The following CC2D2B variants were observed in gnomAD, a reference collection of about 807,000 sequenced individuals.
CC2D2B encodes the protein coiled-coil and C2 domain containing 2B, also known as protein CC2D2B.
Under a neutral mutation model 161.2 loss-of-function variants are expected in CC2D2B, and 128 were observed. The ratio of observed to expected loss-of-function variants is 0.79; its 90% CI spans 0.69 to 0.92. The LOEUF is 0.92. CC2D2B is among the 40% of genes least tolerant of loss of function. CC2D2B has a pLI of 0.00. For missense variants in CC2D2B, 1,173 were observed against 1,375.1 expected, an observed-to-expected ratio of 0.85 and a Z score of 2.32; for synonymous variants, 391 against 449.8, an observed-to-expected ratio of 0.87 and a Z score of 1.65.
At chr10:95,958,056 CAAA>C (rs566532492) in intron 11 of CC2D2B, among the ~76,000 whole-genome samples, 1 of 137,496 alleles carries the variant, frequency 7.3e-6, no homozygotes. Context: ...GAAACTATGC[CAAA>C]AAAAAAAACC....
intron 15 of CC2D2B, among the ~76,000 whole-genome samples, chr10:95,970,469 C>T (rs932865797): frequency 2.6e-5 from 4 of 152,210 alleles, no homozygotes; most frequent in African/African-American, 9.6e-5. Flanking sequence ...TTTAAAAACG[C>T]CCATTTTCAT....
intron 16 of CC2D2B, among the ~76,000 whole-genome samples, chr10:95,973,077 G>A (rs1210661167): frequency 6.6e-6 from 1 of 151,932 alleles, no homozygotes; most frequent in African/African-American, 2.4e-5. Flanking sequence ...CACCTTCCTA[G>A]GGGTTTGGAA....
intron 9 of CC2D2B, among the ~76,000 whole-genome samples, chr10:95,943,111 A>T (rs2076078124): frequency 6.6e-6 from 1 of 152,062 alleles, no homozygotes; most frequent in Non-Finnish European, 1.5e-5. Flanking sequence ...CATTCTGAAA[A>T]TTCCTGGGAA....
At chr10:95,999,763 TTTA>T in intron 24 of CC2D2B, 1 of 250,712 alleles carries the variant, frequency 4.0e-6, no homozygotes, top group Non-Finnish European at 7.8e-6. Context: ...TTTTTTTTTT[TTTA>T]ACACCAATTA....
Position 95,952,488 on chromosome 10 carries a change from A to G in CC2D2B, c.1011+2383A>G, listed in dbSNP as rs189886043. On this transcript the variant is annotated intron_variant, in intron 10 of 34. Transcript: ENST00000646931. ...AGTTCTCCTCTCCCTGTATTTCTAT[A>G]TGTATGTATGCCATGATTGTTTTTA... 3.3e-5 allele frequency: 5 copies of G among 152,248 alleles called. No individual in the cohort carries two copies. In the East Asian group the frequency reaches 9.6e-4, roughly 29 times the overall value. The allele number at this position is 152,248 out of a possible 1,614,324, so 9.4% of individuals were successfully genotyped here.
chr10:96,028,827 C>T (rs2079898124), intron 34 of CC2D2B, among the ~76,000 whole-genome samples: 1 of 152,092 alleles, frequency 6.6e-6, no homozygotes, highest in Admixed American at 6.6e-5. Flanking sequence ...TTTGCATCAA[C>T]ATGGATGGAA....
intron 2 of CC2D2B, among the ~76,000 whole-genome samples, chr10:95,912,275 T>C (rs1030696439): frequency 5.9e-5 from 9 of 152,174 alleles, no homozygotes; most frequent in Non-Finnish European, 1.0e-4. Context: ...GGGTTTAACA[T>C]TGCTAGAATA....
intron 25 of CC2D2B, among the ~76,000 whole-genome samples, chr10:96,008,826 A>T (rs1011502332): frequency 6.6e-6 from 1 of 152,034 alleles, no homozygotes; most frequent in African/African-American, 2.4e-5. Context: ...TTTTCTCCCA[A>T]TATGTAGTTT....
intron 29 of CC2D2B, among the ~76,000 whole-genome samples, chr10:96,014,635 T>A (rs1005599072): frequency 6.6e-6 from 1 of 152,220 alleles, no homozygotes; most frequent in Non-Finnish European, 1.5e-5. Flanking sequence ...ATAAGTTAAC[T>A]TCTTTGGACC....
At chr10:96,010,536 A>G (rs570287696) in intron 26 of CC2D2B, among the ~76,000 whole-genome samples, 37 of 152,282 alleles carry the variant, frequency 2.4e-4, no homozygotes, top group Non-Finnish European at 2.8e-4. Flanking sequence ...TAAAACTAAC[A>G]TTTCAGTACA....
At position 96,031,849 on chromosome 10, in the gene CC2D2B, C is replaced by T. The variant is rs2080079952; in HGVS notation, c.4155C>T (p.Tyr1385=). 1.2e-6 allele frequency: 2 copies of T among 1,613,518 alleles called. No homozygotes were observed. The highest frequency in any genetic ancestry group is 2.7e-5 in the African/African-American group (2 of 74,900). The change falls in exon 35 of 35, where the codon TAC becomes TAT. Residue 1385 remains tyrosine (Y), a synonymous_variant. Coordinates refer to ENST00000646931, the MANE Select transcript of CC2D2B (RefSeq NM_001349008.3). ...CGGGATTTCCCATCCAGATGCCATA[C>T]ATTGATGTACAGTCAATTATTGATG... The part of the protein sequence containing the change: ...WVTGFPIQMP[Y]IDVQSIIDAV...
chr10:95,914,384 TGTA>T (rs2098512072), intron 2 of CC2D2B, among the ~76,000 whole-genome samples: 1 of 152,188 alleles, frequency 6.6e-6, no homozygotes, highest in Non-Finnish European at 1.5e-5. Flanking sequence ...AGTACAGCTC[TGTA>T]GCACAATTTG....
At position 95,972,972 on chromosome 10, in the gene CC2D2B, C is replaced by T. The variant is rs188388449; in HGVS notation, c.1795+756C>T. On this transcript the variant is annotated intron_variant, in intron 16 of 34. Coordinates refer to ENST00000646931, the MANE Select transcript of CC2D2B (RefSeq NM_001349008.3). ...AGGGATGTTTCTGTTAGTTGTTTTT[C>T]AATTGATTTTACTCCTCTTATACGG... Among the ~76,000 whole-genome samples the T allele has an allele frequency of 1.5e-3, 221 of 152,160 alleles. 1 individual carries two copies. Among genetic ancestry groups the T allele is most frequent in the African/African-American group, 3.8e-3 (157 of 41,512 alleles).
In CC2D2B at chr10:96,031,807, G is replaced by A; in HGVS notation, c.4126-13G>A. 6.2e-7 allele frequency: 1 copy of A among 1,609,436 alleles called. No individual in the cohort carries two copies. The highest frequency in any genetic ancestry group is 1.3e-5 in the African/African-American group (1 of 74,970). On this transcript the variant is annotated splice_polypyrimidine_tract_variant and intron_variant, in intron 34 of 34. Transcript: ENST00000646931. ...GTAATGTGGGTTTATGTGCTGTTCTGTCTTTGATCCAGGTCACGGGATTTC... is the reference window on the plus strand; with the variant it reads ...GTAATGTGGGTTTATGTGCTGTTCTATCTTTGATCCAGGTCACGGGATTTC...
intron 13 of CC2D2B, 22 bp from the exon 14 acceptor site, chr10:95,966,168 A>G (rs1426012101): frequency 3.2e-6 from 3 of 941,994 alleles, no homozygotes; most frequent in Non-Finnish European, 4.1e-6. Context: ...GGCAAATCAT[A>G]TATTTATTTT....
At chr10:95,970,331 G>A (rs973855485) in intron 15 of CC2D2B, among the ~76,000 whole-genome samples, 2 of 152,040 alleles carry the variant, frequency 1.3e-5, no homozygotes, top group Non-Finnish European at 2.9e-5. Flanking sequence ...AACATGCCCC[G>A]CCTTTAGTTC....
At chr10:96,018,204 CATT>C (rs1456156379) in intron 30 of CC2D2B, among the ~76,000 whole-genome samples, 30 of 152,242 alleles carry the variant, frequency 2.0e-4, no homozygotes, top group African/African-American at 7.2e-4. Context: ...TAAATAGTCT[CATT>C]ATTATTATTA....
rs141627658 is a variant in CC2D2B, at chr10:95,923,189, G to T, written c.97+1113G>T. Among the ~76,000 whole-genome samples, 62 of 152,104 alleles carry T rather than the reference G, an allele frequency of 4.1e-4. No homozygotes were observed. In the East Asian group the frequency reaches 0.011, roughly 28 times the overall value. ...CTGGTCTCGAACTCCTGACCTGCCCGCCTCGGCTTCCCAAAGTGCTGGGAT... is the reference window on the plus strand; with the variant it reads ...CTGGTCTCGAACTCCTGACCTGCCCTCCTCGGCTTCCCAAAGTGCTGGGAT... On this transcript the variant is annotated intron_variant, in intron 3 of 34. Transcript: ENST00000646931.
At position 95,924,811 on chromosome 10, in the gene CC2D2B, G is replaced by T. The variant is rs763958628; in HGVS notation, c.207G>T (p.Gln69His). Residue 69 changes from glutamine (Q) to histidine (H), a missense_variant, in exon 5 of 35, where the codon CAG becomes CAT. Around this residue, in one of 3 missense-constraint regions of CC2D2B, gnomAD observed 298 missense variants for 261.2 expected, o/e 1.14. Transcript: ENST00000646931. Reference protein sequence around the residue: ...INKGEKSSTEQLIDSEIHQRS... With the variant: ...INKGEKSSTEHLIDSEIHQRS... ...AAGGTGAAAAATCTTCAACTGAGCA[G>T]CTCATTGATAGCGAAATACATCAAA... 1.4e-4 allele frequency: 213 copies of T among 1,547,334 alleles called. No homozygotes were observed. The highest frequency in any genetic ancestry group is 1.8e-4 in the Non-Finnish European group (208 of 1,143,550).
Sources: allele counts gnomAD v4.1 joint callset (sites outside exome capture counted in the v4.1 genomes callset), GRCh38; gene constraint gnomAD v4.1.1; regional missense constraint gnomAD v4.1.1; transcripts MANE v1.5; gene names NCBI Gene and HGNC (gene_info 2026-07-23, HGNC 2026-07-21).